The following AJAP1 variants were observed in gnomAD, a reference collection of about 807,000 sequenced individuals.
AJAP1 encodes adherens junction-associated protein 1.
In AJAP1, 5 loss-of-function variants were observed where a neutral mutation model predicts 35.0. That is an observed-to-expected ratio of 0.14 (90% CI 0.07 to 0.30). AJAP1 has a LOEUF of 0.30. Among genes scored for constraint, AJAP1 ranks in the 10% least tolerant of loss-of-function variants. AJAP1 has a pLI of 1.00. For missense variants in AJAP1, 586 were observed against 571.0 expected, an observed-to-expected ratio of 1.03 and a Z score of -0.27; for synonymous variants, 284 against 249.3, an observed-to-expected ratio of 1.14 and a Z score of -1.31.
chr1:4,696,063 C>T (rs563759855), intron 1 of AJAP1, among the ~76,000 whole-genome samples: 1 of 152,146 alleles, frequency 6.6e-6, no homozygotes, highest in East Asian at 1.9e-4. Context: ...TGTCTGAAAC[C>T]CATCTCTCCT....
At chr1:4,709,630 A>G (rs1640181205) in intron 1 of AJAP1, among the ~76,000 whole-genome samples, 1 of 152,324 alleles carries the variant, frequency 6.6e-6, no homozygotes, top group African/African-American at 2.4e-5. Context: ...ACCTGCAGCC[A>G]CAGAGGAGCT....
intron 2 of AJAP1, among the ~76,000 whole-genome samples, chr1:4,756,142 G>T (rs12022212): frequency 0.68 from 103,986 of 152,022 alleles, 36,223 homozygotes; most frequent in East Asian, 0.93. Flanking sequence ...TCACTGAGTT[G>T]GGTGGAGTTT....
rs1640245125 is a variant in AJAP1, at chr1:4,711,753, C to T, written c.30-147C>T. The T allele has an allele frequency of 1.6e-5, 10 of 607,482 alleles. No individual in the cohort carries two copies. The Admixed American group carries it at 1.9e-4, about 12-fold the overall frequency. The allele number at this position is 607,482 out of a possible 1,614,324, so 37.6% of individuals were successfully genotyped here. ...TTTGAAGGAAAGGAAGGAAGGGTTT[C>T]GGATTCCCTTTTGAAGTTAGGAGGA... On this transcript the variant is annotated intron_variant, in intron 1 of 5. Transcript: ENST00000378191.
intron 1 of AJAP1, among the ~76,000 whole-genome samples, chr1:4,673,526 G>T (rs1027919831): frequency 6.6e-6 from 1 of 152,150 alleles, no homozygotes; most frequent in Non-Finnish European, 1.5e-5. Flanking sequence ...TAAAACTCTG[G>T]GGACCCGGTA....
chr1:4,735,176 G>C (rs562734520), intron 2 of AJAP1, among the ~76,000 whole-genome samples: 2 of 152,260 alleles, frequency 1.3e-5, no homozygotes, highest in African/African-American at 4.8e-5. Flanking sequence ...AGCACGCAAG[G>C]CATGGTGGGA....
At position 4,782,239 on chromosome 1, in the gene AJAP1, G is replaced by C. The variant is rs1179025581; in HGVS notation, c.*60-306G>C. Among the ~76,000 whole-genome samples, 1 of 152,154 alleles carries C rather than the reference G, an allele frequency of 6.6e-6. No individual in the cohort carries two copies. Among genetic ancestry groups the C allele is most frequent in the Non-Finnish European group, 1.5e-5 (1 of 68,036 alleles). On this transcript the variant is annotated intron_variant, in intron 5 of 5. Transcript: ENST00000378191. This position sits in a 1 kb window ranked among gnomAD's most constrained non-coding sequence, Gnocchi z 5.3. ...GCACCCCCACCATGAGTTAGCGGAG[G>C]GGGTGGTCCCAGCCCCTGGTAGCAA...
intron 5 of AJAP1, among the ~76,000 whole-genome samples, chr1:4,778,706 C>A (rs376396607): frequency 1.4e-4 from 22 of 152,264 alleles, no homozygotes; most frequent in East Asian, 1.4e-3. Context: ...AAGAGACTCC[C>A]TTCCCTGCAT....
At chr1:4,714,653 C>T (rs112228676) in intron 2 of AJAP1, among the ~76,000 whole-genome samples, 5,575 of 152,232 alleles carry the variant, frequency 0.037, 279 homozygotes, top group East Asian at 0.17. Flanking sequence ...TAATCTGGTG[C>T]TAGATTAATT....
chr1:4,745,427 C>T (rs1209012819), intron 2 of AJAP1, among the ~76,000 whole-genome samples: 2 of 152,158 alleles, frequency 1.3e-5, no homozygotes, highest in Non-Finnish European at 2.9e-5. Flanking sequence ...CCCTGCCCTC[C>T]ATCCTGGAGG....
At chr1:4,659,976 T>C (rs1031528466) in intron 1 of AJAP1, among the ~76,000 whole-genome samples, 3 of 152,194 alleles carry the variant, frequency 2.0e-5, no homozygotes, top group Admixed American at 2.0e-4. Flanking sequence ...CTCCGTGGAA[T>C]TAAAAGTAGG....
At chr1:4,670,076 C>G (rs1273786297) in intron 1 of AJAP1, among the ~76,000 whole-genome samples, 2 of 152,180 alleles carry the variant, frequency 1.3e-5, no homozygotes, top group Admixed American at 1.3e-4. Flanking sequence ...TCACTCAGCC[C>G]TGCACAGGGC....
intron 2 of AJAP1, among the ~76,000 whole-genome samples, chr1:4,752,427 G>T (rs1641340587): frequency 6.6e-6 from 1 of 152,192 alleles, no homozygotes; most frequent in Non-Finnish European, 1.5e-5. Context: ...CAGAGCCGAT[G>T]GGATGGCCCA....
chr1:4,756,429 G>A (rs1641434671), intron 2 of AJAP1, among the ~76,000 whole-genome samples: 1 of 152,176 alleles, frequency 6.6e-6, no homozygotes, highest in South Asian at 2.1e-4. Context: ...CTCAGCAGGG[G>A]CTTGTCTGGA....
intron 5 of AJAP1, among the ~76,000 whole-genome samples, chr1:4,779,051 C>A (rs1642010662): frequency 6.6e-6 from 1 of 152,170 alleles, no homozygotes; most frequent in African/African-American, 2.4e-5. Flanking sequence ...TGCAGATGGT[C>A]CCATACCGAA....
In AJAP1 at chr1:4,707,748, A is replaced by G. The variant is rs180702704; in HGVS notation, c.30-4152A>G. Among the ~76,000 whole-genome samples, 325 of 151,978 alleles carry G rather than the reference A, an allele frequency of 2.1e-3. 1 individual carries two copies. The highest frequency in any genetic ancestry group is 7.1e-3 in the African/African-American group (295 of 41,436). ...CCTCCCAGTGCAGGTTTTCATGTGG[A>G]CAGATGTCTGTGCCTAAGAGAGGGG... On this transcript the variant is annotated intron_variant, in intron 1 of 5. Transcript: ENST00000378191.
chr1:4,789,162 T>C lies in AJAP1; in HGVS notation c.*6677T>C, dbSNP rs1335938451. ...ACACAGGTTTATAGAGATTAAACAC[T>C]AGTGAGTAGCGGGGGAAGGGAACAG... is the stretch of plus-strand genomic sequence containing the variant. On this transcript the variant is annotated 3_prime_UTR_variant, in exon 6 of 6. Coordinates refer to ENST00000378191, the MANE Select transcript of AJAP1 (RefSeq NM_018836.4). This position sits in a 1 kb window ranked among gnomAD's most constrained non-coding sequence, Gnocchi z 4.4. The C allele has an allele frequency of 6.6e-6, 1 of 152,156 alleles. No homozygotes were observed. Among genetic ancestry groups the C allele is most frequent in the Non-Finnish European group, 1.5e-5 (1 of 68,034 alleles). The allele number at this position is 152,156 out of a possible 1,614,324, so 9.4% of individuals were successfully genotyped here.
intron 2 of AJAP1, among the ~76,000 whole-genome samples, chr1:4,731,975 G>A (rs142018329): frequency 6.6e-6 from 1 of 152,322 alleles, no homozygotes; most frequent in Non-Finnish European, 1.5e-5. Flanking sequence ...CTCCCTTCCC[G>A]ATAAAGGCAG....
chr1:4,787,866 T>A lies in AJAP1; in HGVS notation c.*5381T>A, dbSNP rs1339059616. On this transcript the variant is annotated 3_prime_UTR_variant, in exon 6 of 6. Coordinates refer to ENST00000378191, the MANE Select transcript of AJAP1 (RefSeq NM_018836.4). ...TCCAGAAGCTCCCCCAGCACTGAGC[T>A]CACTTAGTGGCATCCTTCTTAAACA... is the stretch of plus-strand genomic sequence containing the variant. 1 of 420,810 alleles carries A rather than the reference T, an allele frequency of 2.4e-6. No homozygotes were observed. Among genetic ancestry groups the A allele is most frequent in the Non-Finnish European group, 4.8e-6 (1 of 207,108 alleles). 26.1% of individuals were successfully genotyped at this position (420,810 alleles called of 1,614,324 possible). A position where few individuals can be genotyped will look rare whatever the true frequency, so the allele number is the denominator to read the frequency against.
chr1:4,741,037 C>T (rs1641057457), intron 2 of AJAP1, among the ~76,000 whole-genome samples: 2 of 151,964 alleles, frequency 1.3e-5, no homozygotes, highest in South Asian at 4.2e-4. Context: ...CGTTGAAAGC[C>T]TGGGGGCCAT....
Sources: gnomAD v4.1 joint callset for allele counts (sites outside exome capture counted in the v4.1 genomes callset) on GRCh38, gnomAD v4.1.1 for gene constraint, Gnocchi (gnomAD v3.1) non-coding constraint, MANE v1.5 for transcripts, NCBI Gene and HGNC (gene_info 2026-07-23, HGNC 2026-07-21) for gene names.